PAN3: variants seen among roughly 807,000 people sequenced by gnomAD.
PAN3 encodes poly(A) specific ribonuclease subunit PAN3, also known as PAN2-PAN3 deadenylation complex subunit PAN3.
In PAN3, 19 loss-of-function variants were observed where a neutral mutation model predicts 96.2. The observed-to-expected ratio is 0.20, with a 90% CI of 0.14 to 0.29. The LOEUF (loss-of-function observed/expected upper bound fraction) is 0.29. PAN3 is among the 10% of genes least tolerant of loss of function. The pLI, the probability that PAN3 is intolerant of heterozygous loss-of-function variation, is 1.00. For missense variants in PAN3, 882 were observed against 1,108.1 expected (o/e 0.80, Z 2.90); for synonymous variants, 433 against 406.6 (o/e 1.06, Z -0.78).
In PAN3 at chr13:28,291,788, G is replaced by A. The variant is rs571152130; in HGVS notation, c.2524-594G>A. On this transcript the variant is annotated intron_variant, in intron 18 of 18. Coordinates refer to ENST00000380958, the MANE Select transcript of PAN3 (RefSeq NM_175854.8). Reference sequence around the variant, plus strand: ...AGAGGTTGCAGTGAGCCAAGATTGCGCCATTGCACTCCACCCTGGGCAACG... The same window carrying A: ...AGAGGTTGCAGTGAGCCAAGATTGCACCATTGCACTCCACCCTGGGCAACG... Among the ~76,000 whole-genome samples, 5 of 152,104 alleles carry A rather than the reference G, an allele frequency of 3.3e-5. No homozygotes were observed. The East Asian group carries it at 5.8e-4, about 18-fold the overall frequency.
At chr13:28,246,412 A>C (rs1884193252) in intron 6 of PAN3, among the ~76,000 whole-genome samples, 1 of 152,158 alleles carries the variant, frequency 6.6e-6, no homozygotes, top group Non-Finnish European at 1.5e-5. Flanking sequence ...TGGGATAGCC[A>C]TTCCCTCAAA....
At chr13:28,141,658 G>A (rs977427794) in intron 1 of PAN3, among the ~76,000 whole-genome samples, 1 of 151,440 alleles carries the variant, frequency 6.6e-6, no homozygotes, top group Non-Finnish European at 1.5e-5. Flanking sequence ...GTAGACACGG[G>A]GTTTCTCCAT....
At chr13:28,225,360 T>G (rs866487689) in intron 6 of PAN3, among the ~76,000 whole-genome samples, 2 of 152,358 alleles carry the variant, frequency 1.3e-5, no homozygotes, top group South Asian at 4.1e-4. Context: ...GTTTTCAGTT[T>G]AAAGTTCTGT....
In PAN3 at chr13:28,293,322, TAAG is replaced by T. The variant is rs1317692939; in HGVS notation, c.*803_*805del. On this transcript the variant is annotated 3_prime_UTR_variant, in exon 19 of 19. Transcript: ENST00000380958. Reference sequence around the variant, plus strand: ...GCAAATTTTTTAAATAGGAGAAAATTAAGAAATTGTGTTAAAGGCCTAAAGTTC... The same window carrying T: ...GCAAATTTTTTAAATAGGAGAAAATTAAATTGTGTTAAAGGCCTAAAGTTC... 6.8e-6 allele frequency: 1 copy of T among 145,990 alleles called. No homozygotes were observed. Among genetic ancestry groups the T allele is most frequent in the Non-Finnish European group, 1.5e-5 (1 of 66,508 alleles). 9.0% of individuals were successfully genotyped at this position (145,990 alleles called of 1,614,324 possible). A position where few individuals can be genotyped will look rare whatever the true frequency, so the allele number is the denominator to read the frequency against.
At chr13:28,233,862 T>C (rs1882835649) in intron 6 of PAN3, among the ~76,000 whole-genome samples, 1 of 152,212 alleles carries the variant, frequency 6.6e-6, no homozygotes, top group Non-Finnish European at 1.5e-5. Flanking sequence ...TCATCAGAAA[T>C]TCTGTTTTAT....
intron 4 of PAN3, among the ~76,000 whole-genome samples, chr13:28,182,184 A>G (rs1377263915): frequency 6.6e-6 from 1 of 152,232 alleles, no homozygotes; most frequent in Admixed American, 6.5e-5. Context: ...ATTCAGTGCT[A>G]TGATATCTTG....
rs527294089 is a variant in PAN3 at position 28,165,033 on chromosome 13, G to A, written c.431-9239G>A. On this transcript the variant is annotated intron_variant, in intron 1 of 18. Transcript: ENST00000380958. Reference sequence around the variant, plus strand: ...AGTGATTCTCCTGCCTCAGCCTCCCGAGTAGCTGGGACTACAGGCATGTAT... The same window carrying A: ...AGTGATTCTCCTGCCTCAGCCTCCCAAGTAGCTGGGACTACAGGCATGTAT... Among the ~76,000 whole-genome samples, 5 of 152,126 alleles carry A rather than the reference G, an allele frequency of 3.3e-5. No homozygotes were observed. In the South Asian group the frequency reaches 1.0e-3, roughly 32 times the overall value.
intron 6 of PAN3, chr13:28,239,424 A>C: frequency 3.0e-6 from 1 of 337,082 alleles, no homozygotes; most frequent in Non-Finnish European, 5.8e-6. Context: ...AGAACTGCCC[A>C]TGACATATAG....
intron 6 of PAN3, among the ~76,000 whole-genome samples, chr13:28,226,845 C>T (rs979312066): frequency 1.3e-5 from 2 of 152,190 alleles, no homozygotes; most frequent in African/African-American, 4.8e-5. Flanking sequence ...TGTTTCCATT[C>T]TTTGTAACTA....
intron 9 of PAN3, among the ~76,000 whole-genome samples, chr13:28,263,968 A>G (rs1885948170): frequency 6.6e-6 from 1 of 152,140 alleles, no homozygotes. Context: ...GTTTCTGACT[A>G]TCCCTTCCCG....
At chr13:28,283,185 A>T (rs966216171) in intron 17 of PAN3, among the ~76,000 whole-genome samples, 1 of 151,818 alleles carries the variant, frequency 6.6e-6, no homozygotes, top group Non-Finnish European at 1.5e-5. Context: ...TGTAGCTGGG[A>T]TTACAGGCGC....
intron 1 of PAN3, among the ~76,000 whole-genome samples, chr13:28,147,802 C>T (rs958038391): frequency 7.2e-5 from 11 of 152,196 alleles, no homozygotes; most frequent in Non-Finnish European, 1.2e-4. Context: ...ATGCAGATCT[C>T]ACTAATCCTG....
intron 6 of PAN3, among the ~76,000 whole-genome samples, chr13:28,228,707 C>G (rs1365963951): frequency 1.3e-5 from 2 of 152,008 alleles, no homozygotes; most frequent in South Asian, 2.1e-4. Flanking sequence ...ATATTAACAT[C>G]CTATTGATGT....
chr13:28,272,267 C>G (rs914176575), intron 14 of PAN3, 196 bp downstream of exon 14: 4 of 392,840 alleles, frequency 1.0e-5, no homozygotes, highest in Non-Finnish European at 1.8e-5. Flanking sequence ...ATTTCTTTCT[C>G]TCTCTTTTCC....
intron 5 of PAN3, among the ~76,000 whole-genome samples, chr13:28,217,790 C>T (rs1880972185): frequency 6.6e-6 from 1 of 151,922 alleles, no homozygotes; most frequent in Non-Finnish European, 1.5e-5. Context: ...AGAGAAATAT[C>T]TGTCTTTAGG....
chr13:28,226,054 T>G (rs1055478943), intron 6 of PAN3, among the ~76,000 whole-genome samples: 1 of 152,198 alleles, frequency 6.6e-6, no homozygotes, highest in East Asian at 1.9e-4. Context: ...CTTTGGAAAC[T>G]GTTCTTTTTT....
intron 4 of PAN3, among the ~76,000 whole-genome samples, chr13:28,182,365 C>T (rs1875902874): frequency 6.6e-6 from 1 of 152,184 alleles, no homozygotes; most frequent in African/African-American, 2.4e-5. Flanking sequence ...CACCTAGTCA[C>T]ATTTTTATTC....
intron 4 of PAN3, among the ~76,000 whole-genome samples, chr13:28,194,984 A>C (rs1195059897): frequency 1.3e-5 from 2 of 151,874 alleles, no homozygotes; most frequent in Non-Finnish European, 2.9e-5. Context: ...ATTCTTATTC[A>C]CAAAATTTCC....
chr13:28,168,106 A>G (rs1480590783), intron 1 of PAN3, among the ~76,000 whole-genome samples: 2 of 152,186 alleles, frequency 1.3e-5, no homozygotes, highest in Non-Finnish European at 2.9e-5. Flanking sequence ...AAGTTTCAAT[A>G]TATCAATTTT....
Sources: gnomAD v4.1 joint callset for allele counts (sites outside exome capture counted in the v4.1 genomes callset) on GRCh38, gnomAD v4.1.1 for gene constraint, MANE v1.5 for transcripts, NCBI Gene and HGNC (gene_info 2026-07-23, HGNC 2026-07-21) for gene names.